Variants in MAP2K4 observed in about 807,000 individuals in gnomAD.
MAP2K4 encodes the protein mitogen-activated protein kinase kinase 4, also known as dual specificity mitogen-activated protein kinase kinase 4.
In MAP2K4, 4 loss-of-function variants were observed where a neutral mutation model predicts 48.5. That is an observed-to-expected ratio of 0.08 (90% CI 0.04 to 0.19). MAP2K4 has a LOEUF of 0.19. Among genes scored for constraint, MAP2K4 ranks in the 10% least tolerant of loss-of-function variants. MAP2K4 has a pLI of 1.00. For synonymous variants in MAP2K4, 166 were observed against 173.1 expected (o/e 0.96, Z 0.32); for missense variants, 258 against 493.3 (o/e 0.52, Z 4.52).
intron 2 of MAP2K4, among the ~76,000 whole-genome samples, chr17:12,072,000 A>G (rs976419245): frequency 3.3e-5 from 5 of 152,236 alleles, no homozygotes; most frequent in Non-Finnish European, 5.9e-5. Flanking sequence ...AAAGTGATGA[A>G]TTCACATGGT....
rs1971183586 is a variant in MAP2K4, at chr17:12,081,486, A to C, written c.349A>C (p.Asn117His). 1 of 1,614,084 alleles carries C rather than the reference A, an allele frequency of 6.2e-7. No individual in the cohort carries two copies. The highest frequency in any genetic ancestry group is 1.7e-5 in the Admixed American group (1 of 60,012). The part of the protein sequence containing the change: ...EIGRGAYGSV[N>H]KMVHKPSGQI... ...TGGACGAGGAGCTTATGGTTCTGTCAACAAAATGGTCCACAAACCAAGTGG... is the reference window on the plus strand; with the variant it reads ...TGGACGAGGAGCTTATGGTTCTGTCCACAAAATGGTCCACAAACCAAGTGG... The change falls in exon 3 of 11, where the codon AAC (asparagine) becomes CAC (histidine). Residue 117 changes from asparagine to histidine, a missense_variant. By Grantham distance (68) the Asn-to-His change is moderately conservative (BLOSUM62 1). Transcript: ENST00000353533. This position sits in a 1 kb window ranked among gnomAD's most constrained non-coding sequence, Gnocchi z 4.2.
intron 1 of MAP2K4, among the ~76,000 whole-genome samples, chr17:12,044,742 A>C (rs772753528): frequency 6.6e-6 from 1 of 152,246 alleles, no homozygotes; most frequent in Non-Finnish European, 1.5e-5. Context: ...TTGAGGGCTC[A>C]GTCCCACAAG....
At chr17:12,065,632 CGCCATGTTG>C (rs2151534675) in intron 2 of MAP2K4, among the ~76,000 whole-genome samples, 1 of 152,142 alleles carries the variant, frequency 6.6e-6, no homozygotes, top group South Asian at 2.1e-4. Flanking sequence ...GATGGGGTTT[CGCCATGTTG>C]GCCAGGCTTG....
chr17:12,075,985 C>T (rs1478294460), intron 2 of MAP2K4, among the ~76,000 whole-genome samples: 1 of 151,962 alleles, frequency 6.6e-6, no homozygotes, highest in African/African-American at 2.4e-5. Context: ...ACCTTTGTAG[C>T]TTTAGGAGGG....
At chr17:12,136,669 AAAAG>A (rs147089265) in intron 9 of MAP2K4, among the ~76,000 whole-genome samples, 54,789 of 151,824 alleles carry the variant, frequency 0.36, 10,313 homozygotes, top group East Asian at 0.51. Flanking sequence ...GTAATTCAGA[AAAAG>A]AAGACAGTCA....
At chr17:12,041,247 C>G (rs1237156509) in intron 1 of MAP2K4, among the ~76,000 whole-genome samples, 1 of 152,104 alleles carries the variant, frequency 6.6e-6, no homozygotes, top group Non-Finnish European at 1.5e-5. Context: ...TAATGAGGGT[C>G]AAAAGAAGCC....
rs776327929 is a variant in MAP2K4, at chr17:12,070,563, AAG to A, written c.219-10789_219-10788del. Among the ~76,000 whole-genome samples the A allele has an allele frequency of 7.9e-5, 12 of 152,338 alleles. No individual in the cohort carries two copies. The East Asian group carries it at 1.2e-3, about 15-fold the overall frequency. ...ATATAGAGCATAATTATAAATGTAA[AAG>A]AGAAAAAGGATATAGAAAATATGAT... is the stretch of plus-strand genomic sequence containing the variant. On this transcript the variant is annotated intron_variant, in intron 2 of 10. Transcript: ENST00000353533.
intron 4 of MAP2K4, among the ~76,000 whole-genome samples, chr17:12,105,695 C>T (rs1244771654): frequency 6.6e-6 from 1 of 151,974 alleles, no homozygotes; most frequent in Admixed American, 6.6e-5. Flanking sequence ...AGCTCATTGC[C>T]ATTGTGTTGT....
intron 1 of MAP2K4, among the ~76,000 whole-genome samples, chr17:12,050,126 T>C (rs1365903130): frequency 6.6e-6 from 1 of 152,156 alleles, no homozygotes; most frequent in African/African-American, 2.4e-5. Flanking sequence ...ATTCTAGTGA[T>C]TGTAGTTCTC....
intron 2 of MAP2K4, among the ~76,000 whole-genome samples, chr17:12,065,124 G>T (rs1271974342): frequency 6.6e-6 from 1 of 152,022 alleles, no homozygotes; most frequent in Non-Finnish European, 1.5e-5. Context: ...GCTGTATTTT[G>T]TGAAATAGAA....
At chr17:12,121,405 G>A (rs1357460341) in intron 7 of MAP2K4, among the ~76,000 whole-genome samples, 4 of 151,850 alleles carry the variant, frequency 2.6e-5, no homozygotes, top group Non-Finnish European at 5.9e-5. Context: ...TTTCCCATAT[G>A]TCAAAAAAAC....
chr17:12,122,341 C>G (rs1972721002), intron 7 of MAP2K4, among the ~76,000 whole-genome samples: 1 of 152,302 alleles, frequency 6.6e-6, no homozygotes, highest in South Asian at 2.1e-4. Flanking sequence ...TTGAAGCCCT[C>G]AAAATCATAT....
intron 2 of MAP2K4, among the ~76,000 whole-genome samples, chr17:12,056,936 T>C (rs1970298159): frequency 6.6e-6 from 1 of 152,164 alleles, no homozygotes; most frequent in African/African-American, 2.4e-5. Flanking sequence ...TTCCTTGAAC[T>C]TTAATAATTA....
intron 3 of MAP2K4, among the ~76,000 whole-genome samples, chr17:12,094,357 T>C (rs1225696023): frequency 6.6e-6 from 1 of 152,226 alleles, no homozygotes; most frequent in Non-Finnish European, 1.5e-5. Flanking sequence ...TATTCTCATG[T>C]CACATGAAAT....
chr17:12,078,991 C>A (rs1971101998), intron 2 of MAP2K4, among the ~76,000 whole-genome samples: 1 of 152,142 alleles, frequency 6.6e-6, no homozygotes, highest in South Asian at 2.1e-4. Context: ...GCATGTTTTT[C>A]TGTGGTTTTT....
At chr17:12,059,638 C>T (rs1288403371) in intron 2 of MAP2K4, among the ~76,000 whole-genome samples, 2 of 152,154 alleles carry the variant, frequency 1.3e-5, no homozygotes, top group Non-Finnish European at 2.9e-5. Flanking sequence ...AAAGTGCTCT[C>T]TTTAGACCAG....
intron 5 of MAP2K4, among the ~76,000 whole-genome samples, chr17:12,108,182 A>G (rs1202006291): frequency 6.6e-6 from 1 of 152,004 alleles, no homozygotes; most frequent in Non-Finnish European, 1.5e-5. Flanking sequence ...TTTTCTGTTC[A>G]TTTTTTCCTG....
intron 7 of MAP2K4, among the ~76,000 whole-genome samples, chr17:12,122,203 TACTG>T (rs1430884028): frequency 2.0e-5 from 3 of 152,258 alleles, no homozygotes; most frequent in Non-Finnish European, 4.4e-5. Flanking sequence ...AGTGCTAACT[TACTG>T]AGGATGAGAG....
intron 6 of MAP2K4, chr17:12,110,928 C>G (rs1366978326): frequency 6.5e-6 from 1 of 153,880 alleles, no homozygotes; most frequent in East Asian, 1.9e-4. Flanking sequence ...AGTGATCTTG[C>G]CTTTATTAGA....
Sources: allele counts gnomAD v4.1 joint callset (sites outside exome capture counted in the v4.1 genomes callset), GRCh38; gene constraint gnomAD v4.1.1; non-coding constraint Gnocchi (gnomAD v3.1); transcripts MANE v1.5; gene names NCBI Gene and HGNC (gene_info 2026-07-23, HGNC 2026-07-21).